The following TUBGCP3 variants were observed in gnomAD, a reference collection of about 807,000 sequenced individuals.
TUBGCP3 encodes gamma-tubulin complex component 3.
A neutral mutation model predicts 123.1 loss-of-function variants in TUBGCP3; 50 were observed. The observed-to-expected ratio is 0.41, with a 90% CI of 0.32 to 0.51. TUBGCP3 has a LOEUF of 0.51. Ranked by LOEUF, TUBGCP3 falls within the 20% of genes least tolerant of loss-of-function variation. The probability of loss-of-function intolerance (pLI) is 0.36; values close to 1 mark genes in which losing one functional copy is unlikely to be tolerated. For missense variants in TUBGCP3, 882 were observed against 1,127.0 expected, an observed-to-expected ratio of 0.78 and a Z score of 3.11; for synonymous variants, 405 against 413.9, an observed-to-expected ratio of 0.98 and a Z score of 0.26.
chr13:112,572,270 T>C (rs1288044248), intron 1 of TUBGCP3, among the ~76,000 whole-genome samples: 2 of 152,202 alleles, frequency 1.3e-5, no homozygotes. Context: ...TTTATTATTA[T>C]TTCTTCTAAA....
At chr13:112,560,256 C>T (rs796981742) in intron 3 of TUBGCP3, among the ~76,000 whole-genome samples, 10 of 151,966 alleles carry the variant, frequency 6.6e-5, no homozygotes, top group African/African-American at 2.4e-4. Context: ...CGGTGAAACC[C>T]CGTCTCTACT....
At position 112,554,981 on chromosome 13, in the gene TUBGCP3, G is replaced by C; in HGVS notation, c.746C>G (p.Ala249Gly). ...TGGTMEITEA[A>G]LVRDILYVFQ... is the part of the protein sequence containing the mutation. ...GACGTACAAAATGTCCCTTACCAGA[G>C]CTGCTTCTGTAATTTCCATAGTACC... Residue 249 changes from alanine (A) to glycine (G), a missense_variant, in exon 7 of 22, where the codon GCT becomes GGT. Coordinates refer to ENST00000261965, the MANE Select transcript of TUBGCP3 (RefSeq NM_006322.6). 5 of 1,607,036 alleles carry C rather than the reference G, an allele frequency of 3.1e-6. No homozygotes were observed. Among genetic ancestry groups the C allele is most frequent in the South Asian group, 1.1e-5 (1 of 88,944 alleles).
chr13:112,570,748 T>C (rs1881331483), intron 1 of TUBGCP3, among the ~76,000 whole-genome samples: 1 of 152,226 alleles, frequency 6.6e-6, no homozygotes, highest in Non-Finnish European at 1.5e-5. Context: ...CATGTGATGT[T>C]GTTTGATAGC....
chr13:112,518,494 T>G (rs1158793481), intron 16 of TUBGCP3, among the ~76,000 whole-genome samples: 1 of 152,186 alleles, frequency 6.6e-6, no homozygotes, highest in Non-Finnish European at 1.5e-5. Flanking sequence ...AAAGACAGCT[T>G]TCCTGGTCAG....
chr13:112,510,387 C>T (rs943830139), intron 17 of TUBGCP3, among the ~76,000 whole-genome samples: 8 of 152,092 alleles, frequency 5.3e-5, no homozygotes, highest in African/African-American at 1.9e-4. Flanking sequence ...CCTCCTCAAC[C>T]CGTATTTATG....
intron 11 of TUBGCP3, among the ~76,000 whole-genome samples, chr13:112,531,018 G>GT (rs112239936): frequency 1.3e-4 from 20 of 152,268 alleles, no homozygotes; most frequent in African/African-American, 4.6e-4. Flanking sequence ...GTAAATTGTT[G>GT]TTTTTTAAAT....
intron 1 of TUBGCP3, among the ~76,000 whole-genome samples, chr13:112,574,142 TCA>T (rs1218406828): frequency 4.6e-5 from 6 of 131,020 alleles, no homozygotes; most frequent in East Asian, 2.3e-4. Context: ...CACTCTGAGC[TCA>T]CAGTGTGGCT....
chr13:112,561,670 C>T (rs2139241850), intron 3 of TUBGCP3, among the ~76,000 whole-genome samples: 1 of 152,282 alleles, frequency 6.6e-6, no homozygotes, highest in Non-Finnish European at 1.5e-5. Context: ...CGCAACACTT[C>T]CTTCAGCTCA....
chr13:112,489,034 C>T (rs1310505799), intron 21 of TUBGCP3, among the ~76,000 whole-genome samples: 3 of 138,698 alleles, frequency 2.2e-5, no homozygotes, highest in Admixed American at 6.9e-5. Flanking sequence ...CCCCCAGGTC[C>T]CCACATCCCA....
chr13:112,570,212 C>T (rs1881292619), intron 1 of TUBGCP3, among the ~76,000 whole-genome samples: 1 of 151,638 alleles, frequency 6.6e-6, no homozygotes, highest in Admixed American at 6.6e-5. Flanking sequence ...TCAGGGATCC[C>T]CAGTCCTTCC....
intron 14 of TUBGCP3, among the ~76,000 whole-genome samples, chr13:112,520,527 C>G (rs112898079): frequency 2.7e-5 from 4 of 150,806 alleles, no homozygotes; most frequent in African/African-American, 9.7e-5. Flanking sequence ...GAGACTCCAT[C>G]TCAAAAAAAA....
chr13:112,566,338 C>G (rs908762014), intron 2 of TUBGCP3, among the ~76,000 whole-genome samples: 2 of 152,302 alleles, frequency 1.3e-5, no homozygotes, highest in Non-Finnish European at 2.9e-5. Flanking sequence ...TTGTATGTAT[C>G]CCATTTTAGT....
intron 17 of TUBGCP3, among the ~76,000 whole-genome samples, chr13:112,512,428 A>G (rs1368565598): frequency 1.1e-5 from 1 of 94,730 alleles, no homozygotes; most frequent in Admixed American, 9.5e-5. Context: ...ACTCTGTCTC[A>G]AAAAAAAAAA....
At chr13:112,510,601 G>C (rs1271816382) in intron 17 of TUBGCP3, among the ~76,000 whole-genome samples, 1 of 152,128 alleles carries the variant, frequency 6.6e-6, no homozygotes, top group Non-Finnish European at 1.5e-5. Flanking sequence ...CAGTGAACTT[G>C]GGGGCACTCA....
the TUBGCP3 span, among the ~76,000 whole-genome samples, chr13:112,600,532 G>A: frequency 2.2e-4 from 33 of 152,116 alleles, no homozygotes; most frequent in African/African-American, 7.7e-4. Flanking sequence ...TCATTAAACT[G>A]TTGAAAGTAG....
intron 1 of TUBGCP3, among the ~76,000 whole-genome samples, chr13:112,580,557 T>C (rs983650757): frequency 6.6e-6 from 1 of 152,216 alleles, no homozygotes; most frequent in African/African-American, 2.4e-5. Flanking sequence ...CATCAAGTGT[T>C]AATCCAGGTA....
chr13:112,598,087 A>G, the TUBGCP3 span, among the ~76,000 whole-genome samples: 3 of 152,204 alleles, frequency 2.0e-5, no homozygotes, highest in African/African-American at 7.2e-5. Flanking sequence ...AGGCGCACCA[A>G]TTAACCTGAT....
intron 11 of TUBGCP3, among the ~76,000 whole-genome samples, chr13:112,535,868 C>G (rs756736734): frequency 5.3e-5 from 8 of 152,180 alleles, no homozygotes; most frequent in Non-Finnish European, 1.2e-4. Flanking sequence ...AGATTTACCA[C>G]TATATCTTCT....
At chr13:112,505,849 G>A (rs760212729) in intron 17 of TUBGCP3, among the ~76,000 whole-genome samples, 18 of 152,162 alleles carry the variant, frequency 1.2e-4, no homozygotes, top group Non-Finnish European at 2.2e-4. Context: ...GGTCTCCAGG[G>A]ACGCGCCGTG....
Sources: gnomAD v4.1 joint callset for allele counts (sites outside exome capture counted in the v4.1 genomes callset) on GRCh38, gnomAD v4.1.1 for gene constraint, MANE v1.5 for transcripts, NCBI Gene and HGNC (gene_info 2026-07-23, HGNC 2026-07-21) for gene names.